PRELID2: variants seen among roughly 807,000 people sequenced by gnomAD.
PRELID2 encodes PRELI domain containing 2, also known as PRELI domain-containing protein 2.
A neutral mutation model predicts 28.4 loss-of-function variants in PRELID2; 25 were observed. The observed-to-expected ratio is 0.88, with a 90% confidence interval of 0.64 to 1.23. The LOEUF (loss-of-function observed/expected upper bound fraction) is 1.23, where lower values mean the gene tolerates loss of function less well. Ranked by LOEUF, PRELID2 falls within the 50% of genes most tolerant of loss-of-function variation. PRELID2 has a pLI of 0.00. For synonymous variants in PRELID2, 76 were observed against 71.6 expected (o/e 1.06, Z -0.31); for missense variants, 201 against 214.4 (o/e 0.94, Z 0.39).
chr5:145,590,852 G>A (rs1284342948), intron 1 of PRELID2, among the ~76,000 whole-genome samples: 1 of 152,066 alleles, frequency 6.6e-6, no homozygotes, highest in East Asian at 1.9e-4. Flanking sequence ...TAAAACCCAT[G>A]AATACAGTAA....
chr5:145,622,532 C>T (rs148113554), intron 1 of PRELID2, among the ~76,000 whole-genome samples: 1 of 152,074 alleles, frequency 6.6e-6, no homozygotes, highest in African/African-American at 2.4e-5. Flanking sequence ...AATTATATGC[C>T]TGTGAGATAA....
At chr5:145,560,148 G>A (rs1490279073) in intron 1 of PRELID2, among the ~76,000 whole-genome samples, 1 of 152,188 alleles carries the variant, frequency 6.6e-6, no homozygotes, top group African/African-American at 2.4e-5. Context: ...AAAACAGAAT[G>A]ATTATATGGG....
Position 145,472,385 on chromosome 5 carries a change from G to A in PRELID2, n.187-248C>T, listed in dbSNP as rs138636536. On this transcript the variant is annotated intron_variant and non_coding_transcript_variant, in intron 2 of 2. Transcript: ENST00000510259. ...GCACTATTATCTTCATTTTTCACAAGAGGAAACACAGCCCCAGATAGGTTA... is the reference window on the plus strand; with the variant it reads ...GCACTATTATCTTCATTTTTCACAAAAGGAAACACAGCCCCAGATAGGTTA... Among the ~76,000 whole-genome samples, 819 of 152,184 alleles carry A rather than the reference G, an allele frequency of 5.4e-3. 5 individuals are homozygous for A. The highest frequency in any genetic ancestry group is 8.2e-3 in the Non-Finnish European group (557 of 68,004).
chr5:145,665,612 G>A (rs1199359725), intron 1 of PRELID2, among the ~76,000 whole-genome samples: 1 of 152,074 alleles, frequency 6.6e-6, no homozygotes, highest in Non-Finnish European at 1.5e-5. Flanking sequence ...ATAATGCCTA[G>A]CATGATGTAC....
chr5:145,554,421 C>T (rs1752863339), intron 1 of PRELID2, among the ~76,000 whole-genome samples: 2 of 152,130 alleles, frequency 1.3e-5, no homozygotes, highest in South Asian at 4.1e-4. Context: ...GACACCACTG[C>T]TAACAGGAAT....
chr5:145,817,194 AAAAAATAAATAAATAAAT>A (rs1376290482), intron 4 of PRELID2, among the ~76,000 whole-genome samples: 843 of 83,684 alleles, frequency 0.01, 56 homozygotes, highest in Admixed American at 0.016. Context: ...GCATTTCAAA[AAAAAATAAATAAATAAAT>A]AAAAAAAAAT....
In PRELID2 at chr5:145,802,121, T is replaced by C. The variant is rs375882134; in HGVS notation, c.369-5574A>G. On this transcript the variant is annotated intron_variant, in intron 4 of 6. Transcript: ENST00000683046. ...TATAAGACTCATCCACAATGTTGCA[T>C]GTAGTTGTTGTTTGTTCATTTTCAT... is the stretch of plus-strand genomic sequence containing the variant. Among the ~76,000 whole-genome samples, 7 of 152,238 alleles carry C rather than the reference T, an allele frequency of 4.6e-5. No homozygotes were observed. The East Asian group carries it at 9.6e-4, about 21-fold the overall frequency.
At chr5:145,547,217 C>T (rs2126677755) in intron 1 of PRELID2, among the ~76,000 whole-genome samples, 1 of 152,224 alleles carries the variant, frequency 6.6e-6, no homozygotes, top group South Asian at 2.1e-4. Context: ...TTCATTATAA[C>T]CAAATTTTTT....
At chr5:145,583,026 G>A (rs76345885) in intron 1 of PRELID2, among the ~76,000 whole-genome samples, 1 of 152,006 alleles carries the variant, frequency 6.6e-6, no homozygotes, top group Non-Finnish European at 1.5e-5. Context: ...AATGAGCATC[G>A]ACGCAAAAAT....
chr5:145,354,101 T>A, the PRELID2 span, among the ~76,000 whole-genome samples: 3 of 152,202 alleles, frequency 2.0e-5, no homozygotes, highest in East Asian at 1.9e-4. Context: ...GGTTTCAAAC[T>A]GTTTTACAAA....
At chr5:145,439,667 T>A in the PRELID2 span, among the ~76,000 whole-genome samples, 3 of 152,004 alleles carry the variant, frequency 2.0e-5, no homozygotes, top group Non-Finnish European at 4.4e-5. Flanking sequence ...TTTCTCTATC[T>A]CCATCCTATC....
intron 1 of PRELID2, among the ~76,000 whole-genome samples, chr5:145,664,325 G>T (rs1754548061): frequency 6.6e-6 from 1 of 152,012 alleles, no homozygotes; most frequent in Admixed American, 6.6e-5. Flanking sequence ...AAATAATTGT[G>T]CTTTCTCCTT....
intron 1 of PRELID2, among the ~76,000 whole-genome samples, chr5:145,484,073 C>T (rs35872813): frequency 0.11 from 16,981 of 152,156 alleles, 1,152 homozygotes; most frequent in South Asian, 0.25. Context: ...ACATAAATAA[C>T]GGTAATTTAA....
intron 1 of PRELID2, among the ~76,000 whole-genome samples, chr5:145,740,662 A>ATTT (rs1756659681): frequency 1.0e-5 from 1 of 97,476 alleles, no homozygotes; most frequent in East Asian, 2.9e-4. Flanking sequence ...ATATATAAAT[A>ATTT]AAATAAATAT....
At chr5:145,551,262 G>A (rs572756291) in intron 1 of PRELID2, among the ~76,000 whole-genome samples, 3 of 152,110 alleles carry the variant, frequency 2.0e-5, no homozygotes, top group Admixed American at 6.5e-5. Context: ...TTAGCTGGGT[G>A]TGGTGGCGCG....
the PRELID2 span, among the ~76,000 whole-genome samples, chr5:145,390,954 A>G: frequency 7.2e-5 from 11 of 152,342 alleles, no homozygotes; most frequent in South Asian, 1.9e-3. Context: ...TTAAAGTCCC[A>G]AAATAATCTC....
At chr5:145,229,608 G>T in the PRELID2 span, 1 of 1,165,248 alleles carries the variant, frequency 8.6e-7, no homozygotes. Context: ...CACGGTGTGG[G>T]CTTATTGCCA....
chr5:145,376,585 T>G, the PRELID2 span, among the ~76,000 whole-genome samples: 1 of 152,172 alleles, frequency 6.6e-6, no homozygotes, highest in African/African-American at 2.4e-5. Flanking sequence ...GTTATTGGTC[T>G]GTTTAGGGAT....
chr5:145,347,440 G>A, the PRELID2 span, among the ~76,000 whole-genome samples: 216 of 152,230 alleles, frequency 1.4e-3, 1 homozygote, highest in African/African-American at 5.1e-3. Context: ...GACCATTCTT[G>A]AAAATTGCTG....
Sources: gnomAD v4.1 joint callset for allele counts (sites outside exome capture counted in the v4.1 genomes callset) on GRCh38, gnomAD v4.1.1 for gene constraint, MANE v1.5 for transcripts, NCBI Gene and HGNC (gene_info 2026-07-23, HGNC 2026-07-21) for gene names.